The following ERC2 variants were observed in gnomAD, a reference collection of about 807,000 sequenced individuals.
The protein encoded by ERC2 is ELKS/RAB6-interacting/CAST family member 2.
A neutral mutation model predicts 114.8 loss-of-function variants in ERC2; 42 were observed. The ratio of observed to expected loss-of-function variants is 0.37; its 90% CI spans 0.29 to 0.47. ERC2 has a LOEUF of 0.47. ERC2 is among the 20% of genes least tolerant of loss of function. The pLI is 0.99. For missense variants in ERC2, 939 were observed against 1,150.7 expected (o/e 0.82, Z 2.66); for synonymous variants, 454 against 425.5 (o/e 1.07, Z -0.82).
intron 2 of ERC2, among the ~76,000 whole-genome samples, chr3:56,388,878 C>G (rs4974210): frequency 0.34 from 50,978 of 151,956 alleles, 8,745 homozygotes; most frequent in African/African-American, 0.38. Flanking sequence ...ATTATCAACT[C>G]AATAAAACAC....
chr3:56,168,312 T>C (rs976235807), intron 4 of ERC2, among the ~76,000 whole-genome samples: 1 of 152,140 alleles, frequency 6.6e-6, no homozygotes, highest in Non-Finnish European at 1.5e-5. Flanking sequence ...GCAGGTGACA[T>C]CGTTGTTGTT....
chr3:56,359,715 T>A (rs1052198101), intron 2 of ERC2, among the ~76,000 whole-genome samples: 3 of 152,226 alleles, frequency 2.0e-5, no homozygotes, highest in Non-Finnish European at 4.4e-5. Context: ...AGCATCTGCA[T>A]CTGATGAGAG....
chr3:55,952,179 A>ACACACACTCTCTCT (rs1390539850), intron 12 of ERC2, among the ~76,000 whole-genome samples: 1 of 62,098 alleles, frequency 1.6e-5, no homozygotes, highest in African/African-American at 5.5e-5. Flanking sequence ...ACACACACAC[A>ACACACACTCTCTCT]CTCTCTCTCT....
chr3:55,698,707 T>C (rs2063066525), intron 16 of ERC2, among the ~76,000 whole-genome samples: 1 of 152,218 alleles, frequency 6.6e-6, no homozygotes, highest in Admixed American at 6.5e-5. Flanking sequence ...TAGTTTGCAT[T>C]TAATTTCCTA....
chr3:55,555,308 A>G (rs1359044720), intron 17 of ERC2, among the ~76,000 whole-genome samples: 1 of 152,172 alleles, frequency 6.6e-6, no homozygotes, highest in Admixed American at 6.5e-5. Flanking sequence ...GAGAAACCCT[A>G]TCGGCCCCAG....
At chr3:55,826,837 A>G (rs1575734205) in intron 14 of ERC2, among the ~76,000 whole-genome samples, 1 of 152,252 alleles carries the variant, frequency 6.6e-6, no homozygotes, top group Admixed American at 6.5e-5. Context: ...GATTTAAAAT[A>G]GCTTTCAAAT....
intron 7 of ERC2, among the ~76,000 whole-genome samples, chr3:56,031,528 G>C (rs2074378421): frequency 6.6e-6 from 1 of 152,210 alleles, no homozygotes; most frequent in Admixed American, 6.5e-5. Flanking sequence ...AGTCTGTAAA[G>C]ACTAGAAAAG....
chr3:55,587,020 C>G (rs1016533651), intron 17 of ERC2, among the ~76,000 whole-genome samples: 1 of 152,184 alleles, frequency 6.6e-6, no homozygotes, highest in Non-Finnish European at 1.5e-5. Flanking sequence ...ACATTTAATG[C>G]TGTTGTACTC....
intron 3 of ERC2, among the ~76,000 whole-genome samples, chr3:56,204,763 A>C (rs978623164): frequency 1.3e-5 from 2 of 152,038 alleles, no homozygotes; most frequent in Non-Finnish European, 2.9e-5. Flanking sequence ...AGCCTCCCAA[A>C]GTGCTGGAAT....
At chr3:56,350,392 T>C (rs1319395123) in intron 2 of ERC2, among the ~76,000 whole-genome samples, 3 of 152,216 alleles carry the variant, frequency 2.0e-5, no homozygotes, top group Non-Finnish European at 4.4e-5. Context: ...ATTCATATAG[T>C]AGGCCATGCC....
chr3:56,014,402 A>G (rs1046632678), intron 8 of ERC2, among the ~76,000 whole-genome samples: 13 of 152,142 alleles, frequency 8.5e-5, no homozygotes, highest in African/African-American at 3.1e-4. Context: ...AGCAAACTGA[A>G]TAATTCATTG....
chr3:56,066,728 G>C (rs1185867701), intron 7 of ERC2, among the ~76,000 whole-genome samples: 1 of 152,128 alleles, frequency 6.6e-6, no homozygotes, highest in Admixed American at 6.5e-5. Context: ...GTTAATTTTT[G>C]TTAAAGTATA....
intron 1 of ERC2, among the ~76,000 whole-genome samples, chr3:56,446,328 G>A (rs1255425184): frequency 7.9e-5 from 12 of 152,178 alleles, no homozygotes; most frequent in Admixed American, 7.9e-4. Flanking sequence ...TGACCCAGTA[G>A]CCATGGAGAA....
rs774565757 is a variant in ERC2 at position 56,245,569 on chromosome 3, AT to A, written c.1074+50449del. 5.1e-3 allele frequency among the ~76,000 whole-genome samples: 739 copies of A among 145,496 alleles called. 3 individuals carry two copies. Among genetic ancestry groups the A allele is most frequent in the African/African-American group, 5.7e-3 (228 of 39,796 alleles). On this transcript the variant is annotated intron_variant, in intron 3 of 17. Transcript: ENST00000288221. The stretch of plus-strand genomic sequence containing the variant: ...ATACACTCTTAGTCATATGATTATT[AT>A]TTTTTTTTTTGAGACAGAGTCTTGC...
At chr3:55,762,869 A>G (rs1222640666) in intron 14 of ERC2, among the ~76,000 whole-genome samples, 2 of 152,250 alleles carry the variant, frequency 1.3e-5, no homozygotes, top group Non-Finnish European at 2.9e-5. Flanking sequence ...AAGGACCTGA[A>G]TTATTTCACA....
intron 7 of ERC2, among the ~76,000 whole-genome samples, chr3:56,054,555 C>T (rs772407360): frequency 3.3e-5 from 5 of 152,110 alleles, no homozygotes; most frequent in African/African-American, 4.8e-5. Flanking sequence ...GGTACCTTGT[C>T]CCCCCTGCTG....
intron 3 of ERC2, among the ~76,000 whole-genome samples, chr3:56,206,372 T>C (rs2048738587): frequency 6.6e-6 from 1 of 152,122 alleles, no homozygotes; most frequent in Non-Finnish European, 1.5e-5. Context: ...CCTTTCCAAA[T>C]GACAAAACAT....
In ERC2 at chr3:56,434,575, T is replaced by G; in HGVS notation, c.433A>C (p.Ser145Arg). 1 of 1,614,008 alleles carries G rather than the reference T, an allele frequency of 6.2e-7. No homozygotes were observed. The change falls in exon 2 of 18, where the codon AGC becomes CGC. Residue 145 changes from serine to arginine, a missense_variant. Transcript: ENST00000288221. Reference protein sequence around the residue: ...VPSMLRQVRDSTMLDLQAQLK... With the variant: ...VPSMLRQVRDRTMLDLQAQLK... Reference sequence around the variant, plus strand: ...TGGGCCTGAAGATCTAACATTGTGCTGTCTCTTACCTGCCTCAACATGGAG... The same window carrying G: ...TGGGCCTGAAGATCTAACATTGTGCGGTCTCTTACCTGCCTCAACATGGAG...
chr3:55,593,155 C>T, intron 17 of ERC2, among the ~76,000 whole-genome samples: 1 of 152,208 alleles, frequency 6.6e-6, no homozygotes, highest in East Asian at 1.9e-4. Flanking sequence ...TCCAGCGCTG[C>T]TTTCATCCAA....
Sources: gnomAD v4.1 joint callset for allele counts (sites outside exome capture counted in the v4.1 genomes callset) on GRCh38, gnomAD v4.1.1 for gene constraint, MANE v1.5 for transcripts, NCBI Gene and HGNC (gene_info 2026-07-23, HGNC 2026-07-21) for gene names.